The following RNASEH1 variants were observed in gnomAD, a reference collection of about 807,000 sequenced individuals.
RNASEH1 encodes ribonuclease H type II.
RNASEH1 carries 27 observed loss-of-function variants against 34.6 expected under a neutral mutation model. That is an observed-to-expected ratio of 0.78 (90% CI 0.58 to 1.08). RNASEH1 has a LOEUF of 1.08. Ranked by LOEUF, RNASEH1 falls within the 50% of genes least tolerant of loss-of-function variation. The probability of loss-of-function intolerance (pLI) is 0.00; values close to 1 mark genes in which losing one functional copy is unlikely to be tolerated. For synonymous variants in RNASEH1, 162 were observed against 138.4 expected, an observed-to-expected ratio of 1.17 and a Z score of -1.20; for missense variants, 349 against 373.6, an observed-to-expected ratio of 0.93 and a Z score of 0.54.
rs542008147 is a variant in RNASEH1, at chr2:3,541,722, G to T, written c.*4063C>A. 6.6e-6 allele frequency among the ~76,000 whole-genome samples: 1 copy of T among 152,208 alleles called. No homozygotes were observed. The highest frequency in any genetic ancestry group is 1.5e-5 in the Non-Finnish European group (1 of 68,032). Reference sequence around the variant, plus strand: ...CCTGAACATGGAGGACACGAGGGACGGTTTAGACCGGGGTGTGAAACTGCT... The same window carrying T: ...CCTGAACATGGAGGACACGAGGGACTGTTTAGACCGGGGTGTGAAACTGCT... On this transcript the variant is annotated 3_prime_UTR_variant, in exon 8 of 8. Coordinates refer to ENST00000315212, the MANE Select transcript of RNASEH1 (RefSeq NM_002936.6).
intron 6 of RNASEH1, 129 bp from the exon 7 acceptor site, chr2:3,548,184 G>C: frequency 8.8e-7 from 1 of 1,139,894 alleles, no homozygotes; most frequent in Non-Finnish European, 1.3e-6. Flanking sequence ...CACTTCCTTA[G>C]CTGGCCTTAG....
At chr2:3,535,153 C>T in the RNASEH1 span, among the ~76,000 whole-genome samples, 1 of 152,116 alleles carries the variant, frequency 6.6e-6, no homozygotes, top group South Asian at 2.1e-4. Flanking sequence ...CGCAGTGGTT[C>T]ACACCTGTAA....
intron 7 of RNASEH1, among the ~76,000 whole-genome samples, chr2:3,547,260 C>T (rs1668842781): frequency 6.6e-6 from 1 of 152,168 alleles, no homozygotes; most frequent in Non-Finnish European, 1.5e-5. Context: ...TCACTGCAAC[C>T]TCGACCTCCC....
intron 3 of RNASEH1, among the ~76,000 whole-genome samples, chr2:3,551,230 A>G (rs745539410): frequency 1.3e-5 from 2 of 152,224 alleles, no homozygotes; most frequent in Non-Finnish European, 2.9e-5. Flanking sequence ...TCCTCACAGG[A>G]GCGGGGCTGA....
chr2:3,543,181 A>G lies in RNASEH1; in HGVS notation c.*2604T>C, dbSNP rs1193271266. On this transcript the variant is annotated 3_prime_UTR_variant, in exon 8 of 8. Coordinates refer to ENST00000315212, the MANE Select transcript of RNASEH1 (RefSeq NM_002936.6). ...CCCAAAACATGCCTATGTGAGGTGG[A>G]GGCTGACCTGCAGTCAGTCTGGCCA... Among the ~76,000 whole-genome samples the G allele has an allele frequency of 2.0e-5, 3 of 152,316 alleles. No individual in the cohort carries two copies. The highest frequency in any genetic ancestry group is 7.2e-5 in the African/African-American group (3 of 41,576).
chr2:3,532,159 A>G, the RNASEH1 span: 1 of 670,680 alleles, frequency 1.5e-6, no homozygotes, highest in Non-Finnish European at 2.7e-6. Flanking sequence ...CTTCCGTGTC[A>G]GCTAACACTT....
chr2:3,541,745 G>T lies in RNASEH1; in HGVS notation c.*4040C>A, dbSNP rs1668323912. Among the ~76,000 whole-genome samples, 1 of 152,242 alleles carries T rather than the reference G, an allele frequency of 6.6e-6. No individual in the cohort carries two copies. Among genetic ancestry groups the T allele is most frequent in the Non-Finnish European group, 1.5e-5 (1 of 68,042 alleles). On this transcript the variant is annotated 3_prime_UTR_variant, in exon 8 of 8. Coordinates refer to ENST00000315212, the MANE Select transcript of RNASEH1 (RefSeq NM_002936.6). Reference sequence around the variant, plus strand: ...ACGGTTTAGACCGGGGTGTGAAACTGCTGTTGGTGGTGATGGACATGTTCT... The same window carrying T: ...ACGGTTTAGACCGGGGTGTGAAACTTCTGTTGGTGGTGATGGACATGTTCT...
downstream of RNASEH1, among the ~76,000 whole-genome samples, chr2:3,539,735 T>C (rs1444383692): frequency 6.6e-6 from 1 of 152,170 alleles, no homozygotes; most frequent in African/African-American, 2.4e-5. Flanking sequence ...GAGTGACCTA[T>C]TCCTTCTTGC....
rs555360064 is a variant in RNASEH1, at chr2:3,550,490, AC to A, written c.410-19del. ...GAAGTCTCCTGTGGGAAAAGGAAGT[AC>A]ATGCTGCTGGGCTGACCTTACTAAA... On this transcript the variant is annotated intron_variant, in intron 3 of 7. Transcript: ENST00000315212. The A allele has an allele frequency of 1.0e-4, 160 of 1,590,008 alleles. No individual in the cohort carries two copies. Among genetic ancestry groups the A allele is most frequent in the Non-Finnish European group, 1.3e-4 (156 of 1,158,130 alleles).
At chr2:3,535,697 A>G in the RNASEH1 span, among the ~76,000 whole-genome samples, 1 of 152,092 alleles carries the variant, frequency 6.6e-6, no homozygotes, top group Non-Finnish European at 1.5e-5. Flanking sequence ...TTATTCTGAG[A>G]GGGACAAGGA....
Position 3,550,393 on chromosome 2 carries a change from G to A in RNASEH1, c.489C>T (p.Tyr163=). The A allele has an allele frequency of 1.9e-6, 3 of 1,613,900 alleles. No individual in the cohort carries two copies. Among genetic ancestry groups the A allele is most frequent in the Non-Finnish European group, 2.5e-6 (3 of 1,179,826 alleles). The change falls in exon 4 of 8, where the codon TAC becomes TAT. Residue 163 remains tyrosine, a synonymous_variant. Coordinates refer to ENST00000315212, the MANE Select transcript of RNASEH1 (RefSeq NM_002936.6). ...CTTACAAAGGATGGCCTGGCCCCCA[G>A]TAAACGCCGATTCCTGCTCGCGGCC... is the stretch of plus-strand genomic sequence containing the variant. ...RRRPRAGIGV[Y]WGPGHPLNVG...
intron 1 of RNASEH1, among the ~76,000 whole-genome samples, chr2:3,557,189 G>A (rs975014111): frequency 2.6e-5 from 4 of 152,080 alleles, no homozygotes; most frequent in Non-Finnish European, 5.9e-5. Flanking sequence ...CTTTTTATGC[G>A]TATTTTAAAA....
In RNASEH1 at chr2:3,558,192, G is replaced by C. The variant is rs1434475454; in HGVS notation, c.69C>G (p.Arg23=). ...LAALPCRRGS[R]GFGMFYAVRR... is the part of the protein sequence containing the mutation. ...TCACGGCATAGAACATCCCGAACCCGCGAGAGCCGCGGCGGCAGGGCAAGG... is the reference window on the plus strand; with the variant it reads ...TCACGGCATAGAACATCCCGAACCCCCGAGAGCCGCGGCGGCAGGGCAAGG... Residue 23 remains arginine (R), a synonymous_variant, in exon 1 of 8, where the codon CGC becomes CGG. Transcript: ENST00000315212. 1 of 1,601,732 alleles carries C rather than the reference G, an allele frequency of 6.2e-7. No individual in the cohort carries two copies. The highest frequency in any genetic ancestry group is 1.7e-5 in the Admixed American group (1 of 58,712).
chr2:3,533,524 CAGG>C, the RNASEH1 span: 1 of 152,272 alleles, frequency 6.6e-6, no homozygotes, highest in Admixed American at 6.5e-5. Context: ...TGACAAGTTA[CAGG>C]AGAAGGAAGG....
At chr2:3,531,979 C>A in the RNASEH1 span, 278 of 427,544 alleles carry the variant, frequency 6.5e-4, 2 homozygotes, top group African/African-American at 5.3e-3. Flanking sequence ...CCGAACACTG[C>A]GACATAGGTG....
In RNASEH1 at chr2:3,541,722, G is replaced by A. The variant is rs542008147; in HGVS notation, c.*4063C>T. Reference sequence around the variant, plus strand: ...CCTGAACATGGAGGACACGAGGGACGGTTTAGACCGGGGTGTGAAACTGCT... The same window carrying A: ...CCTGAACATGGAGGACACGAGGGACAGTTTAGACCGGGGTGTGAAACTGCT... On this transcript the variant is annotated 3_prime_UTR_variant, in exon 8 of 8. Transcript: ENST00000315212. 2.0e-5 allele frequency among the ~76,000 whole-genome samples: 3 copies of A among 152,326 alleles called. No individual in the cohort carries two copies. In the South Asian group the frequency reaches 6.2e-4, roughly 32 times the overall value.
In RNASEH1 at chr2:3,548,710, G is replaced by A. The variant is rs745435072; in HGVS notation, c.579C>T (p.Ala193=). ...QRAEIHAACK[A]IEQAKTQNIN... Reference sequence around the variant, plus strand: ...TGTTTTGAGTCTTTGCTTGTTCAATGGCTTTGCAGGCTGCCTTGAAAAGAC... The same window carrying A: ...TGTTTTGAGTCTTTGCTTGTTCAATAGCTTTGCAGGCTGCCTTGAAAAGAC... Residue 193 remains alanine, a synonymous_variant, in exon 6 of 8, where the codon GCC becomes GCT. Transcript: ENST00000315212. The A allele has an allele frequency of 1.9e-6, 3 of 1,612,422 alleles. No homozygotes were observed. In the African/African-American group the frequency reaches 4.0e-5, roughly 22 times the overall value.
At chr2:3,549,948 GAA>G (rs369750124) in intron 4 of RNASEH1, among the ~76,000 whole-genome samples, 32 of 124,572 alleles carry the variant, frequency 2.6e-4, no homozygotes, top group Non-Finnish European at 2.7e-4. Flanking sequence ...TCCGTCTCAG[GAA>G]AAAAAAAAAA....
At chr2:3,547,692 C>CT (rs1251607723) in intron 7 of RNASEH1, among the ~76,000 whole-genome samples, 2 of 151,960 alleles carry the variant, frequency 1.3e-5, no homozygotes, top group African/African-American at 4.8e-5. Context: ...TTTCACCATA[C>CT]TGGCCAGGCT....
Sources: gnomAD v4.1 joint callset for allele counts (sites outside exome capture counted in the v4.1 genomes callset) on GRCh38, gnomAD v4.1.1 for gene constraint, MANE v1.5 for transcripts, NCBI Gene and HGNC (gene_info 2026-07-23, HGNC 2026-07-21) for gene names.